Variants in KCNN2 observed in about 807,000 individuals in gnomAD.
KCNN2 encodes potassium calcium-activated channel subfamily N member 2, also known as small conductance calcium-activated potassium channel protein 2.
A neutral mutation model predicts 55.5 loss-of-function variants in KCNN2; 24 were observed. That is an observed-to-expected ratio of 0.43 (90% CI 0.31 to 0.61). The LOEUF (loss-of-function observed/expected upper bound fraction) is 0.61, where lower values mean the gene tolerates loss of function less well. KCNN2 is among the 20% of genes least tolerant of loss of function. The probability of loss-of-function intolerance (pLI) is 0.08; values close to 1 mark genes in which losing one functional copy is unlikely to be tolerated. For synonymous variants in KCNN2, 431 were observed against 336.1 expected (o/e 1.28, Z -3.09); for missense variants, 754 against 853.6 (o/e 0.88, Z 1.45).
intron 2 of KCNN2, among the ~76,000 whole-genome samples, chr5:114,380,074 A>T (rs1320602714): frequency 6.6e-6 from 1 of 151,782 alleles, no homozygotes; most frequent in Non-Finnish European, 1.5e-5. Flanking sequence ...TTTTAGTCCC[A>T]TCTTAAGCAA....
intron 1 of KCNN2, among the ~76,000 whole-genome samples, chr5:114,074,076 C>G (rs1234484302): frequency 6.6e-6 from 1 of 152,096 alleles, no homozygotes; most frequent in Non-Finnish European, 1.5e-5. Context: ...TGGTTTTATT[C>G]TCTCTTCTTA....
At chr5:114,296,015 A>G (rs1487469780) in intron 2 of KCNN2, among the ~76,000 whole-genome samples, 2 of 152,208 alleles carry the variant, frequency 1.3e-5, no homozygotes. Context: ...CTACTGTGGT[A>G]TTATTGGTAT....
intron 3 of KCNN2, among the ~76,000 whole-genome samples, chr5:114,438,808 C>T (rs879493591): frequency 5.9e-5 from 9 of 152,162 alleles, no homozygotes; most frequent in Non-Finnish European, 1.3e-4. Context: ...TGAAAACTCC[C>T]GTTGCTCTTA....
chr5:114,300,334 T>A (rs1398446876), intron 2 of KCNN2, among the ~76,000 whole-genome samples: 1 of 152,244 alleles, frequency 6.6e-6, no homozygotes, highest in Non-Finnish European at 1.5e-5. Flanking sequence ...TTCTGTTTTT[T>A]TCTTTCCAGG....
At chr5:114,382,087 T>C (rs1758141834) in intron 2 of KCNN2, among the ~76,000 whole-genome samples, 1 of 152,256 alleles carries the variant, frequency 6.6e-6, no homozygotes, top group Non-Finnish European at 1.5e-5. Context: ...TGTTCTCTCC[T>C]GTATATGTTT....
At chr5:114,376,069 C>T (rs1220795225) in intron 2 of KCNN2, among the ~76,000 whole-genome samples, 4 of 151,164 alleles carry the variant, frequency 2.6e-5, no homozygotes, top group African/African-American at 4.9e-5. Flanking sequence ...GTTTTGACCA[C>T]GTTCTGCGTC....
At chr5:114,190,525 G>A (rs1288974291) in intron 1 of KCNN2, among the ~76,000 whole-genome samples, 1 of 151,972 alleles carries the variant, frequency 6.6e-6, no homozygotes, top group Non-Finnish European at 1.5e-5. Context: ...CTAGTATATT[G>A]TTTATGAATA....
At chr5:114,313,079 T>C (rs1756437123) in intron 2 of KCNN2, among the ~76,000 whole-genome samples, 1 of 152,180 alleles carries the variant, frequency 6.6e-6, no homozygotes, top group Non-Finnish European at 1.5e-5. Context: ...CCTTTGTTTT[T>C]GTTCATTTGG....
At chr5:114,067,074 C>T (rs1331750828) in intron 1 of KCNN2, among the ~76,000 whole-genome samples, 1 of 152,162 alleles carries the variant, frequency 6.6e-6, no homozygotes, top group Non-Finnish European at 1.5e-5. Flanking sequence ...AGGTAAACCA[C>T]AGGGAAAACC....
At chr5:114,291,434 G>A (rs1755884945) in intron 2 of KCNN2, among the ~76,000 whole-genome samples, 1 of 151,470 alleles carries the variant, frequency 6.6e-6, no homozygotes, top group Admixed American at 6.6e-5. Flanking sequence ...GTGAGAACAG[G>A]CAGTGTTCGG....
At chr5:114,073,962 G>C (rs1156549310) in intron 1 of KCNN2, among the ~76,000 whole-genome samples, 3 of 152,148 alleles carry the variant, frequency 2.0e-5, no homozygotes, top group Non-Finnish European at 4.4e-5. Context: ...CATTTAATAT[G>C]TCTGGGTGCT....
At chr5:114,065,764 G>T (rs759040747) in intron 1 of KCNN2, among the ~76,000 whole-genome samples, 10 of 149,588 alleles carry the variant, frequency 6.7e-5, no homozygotes, top group Non-Finnish European at 1.3e-4. Context: ...ATAGAGTGGA[G>T]TGTGCATGCT....
intron 2 of KCNN2, among the ~76,000 whole-genome samples, chr5:114,247,074 C>T (rs770344746): frequency 4.0e-5 from 6 of 151,030 alleles, no homozygotes; most frequent in African/African-American, 9.7e-5. Flanking sequence ...GAGGCCGAGG[C>T]GGGCAGATCA....
intron 1 of KCNN2, among the ~76,000 whole-genome samples, chr5:114,178,615 A>G (rs951962643): frequency 2.6e-5 from 4 of 152,150 alleles, no homozygotes; most frequent in Non-Finnish European, 5.9e-5. Flanking sequence ...ACTTCAATTC[A>G]TTTAGCCTTT....
At chr5:114,421,888 A>C (rs1759481765) in intron 3 of KCNN2, among the ~76,000 whole-genome samples, 1 of 152,196 alleles carries the variant, frequency 6.6e-6, no homozygotes, top group Admixed American at 6.5e-5. Flanking sequence ...TACAGGTGTG[A>C]TTACAGGCGT....
chr5:114,473,837 TA>T (rs1345098053), intron 5 of KCNN2, among the ~76,000 whole-genome samples: 2 of 152,194 alleles, frequency 1.3e-5, no homozygotes, highest in African/African-American at 2.4e-5. Context: ...CTGGCCATTT[TA>T]TAAATGTGGA....
intron 2 of KCNN2, among the ~76,000 whole-genome samples, chr5:114,304,659 C>T (rs1756232730): frequency 6.6e-6 from 1 of 152,250 alleles, no homozygotes; most frequent in Non-Finnish European, 1.5e-5. Flanking sequence ...TGAGACTCCA[C>T]ATAGCATCCT....
At chr5:114,449,879 TACACACACACAC>T (rs745574908) in intron 3 of KCNN2, among the ~76,000 whole-genome samples, 44 of 93,456 alleles carry the variant, frequency 4.7e-4, no homozygotes, top group African/African-American at 1.2e-3. Flanking sequence ...CATCCAAACA[TACACACACACAC>T]ACACACACAC....
chr5:114,200,752 C>T (rs986433963), intron 1 of KCNN2, among the ~76,000 whole-genome samples: 21 of 151,520 alleles, frequency 1.4e-4, no homozygotes, highest in Admixed American at 7.2e-4. Context: ...GGATAGTTGC[C>T]GTAGTGTGAT....
Sources: allele counts gnomAD v4.1 joint callset (sites outside exome capture counted in the v4.1 genomes callset), GRCh38; gene constraint gnomAD v4.1.1; transcripts MANE v1.5; gene names NCBI Gene and HGNC (gene_info 2026-07-23, HGNC 2026-07-21).